The following ACCSL variants were observed in gnomAD, a reference collection of about 807,000 sequenced individuals.
The protein encoded by ACCSL is 1-aminocyclopropane-1-carboxylate synthase homolog (inactive) like.
A neutral mutation model predicts 61.7 loss-of-function variants in ACCSL; 55 were observed. The ratio of observed to expected loss-of-function variants is 0.89; its 90% CI spans 0.72 to 1.12. ACCSL has a LOEUF of 1.12. Ranked by LOEUF, ACCSL falls within the 50% of genes most tolerant of loss-of-function variation. The pLI is 0.00. For missense variants in ACCSL, 632 were observed against 698.0 expected, an observed-to-expected ratio of 0.91 and a Z score of 1.07; for synonymous variants, 258 against 264.3, an observed-to-expected ratio of 0.98 and a Z score of 0.23.
chr11:43,925,248 GT>G, the ACCSL span: 7 of 393,694 alleles, frequency 1.8e-5, no homozygotes, highest in South Asian at 1.3e-4. Context: ...GCCCTGTGGG[GT>G]GTCGGTAGGG....
rs773702581 is a variant in ACCSL, at chr11:44,055,281, A to G, written c.1129A>G (p.Ser377Gly). The change falls in exon 9 of 14, where the codon AGC becomes GGC. Residue 377 changes from serine to glycine, a missense_variant. Ser to Gly is a moderately conservative substitution (Grantham distance 56, BLOSUM62 0). Transcript: ENST00000378832. ...DESITFHSIL[S>G]MKSLPDSNRT... Reference sequence around the variant, plus strand: ...ATCCATCACATTCCACAGCATTCTGAGCATGAAAAGGTGAGCTGGTCTCAG... The same window carrying G: ...ATCCATCACATTCCACAGCATTCTGGGCATGAAAAGGTGAGCTGGTCTCAG... 1.2e-6 allele frequency: 2 copies of G among 1,612,564 alleles called. No homozygotes were observed. The highest frequency in any genetic ancestry group is 8.5e-7 in the Non-Finnish European group (1 of 1,178,826).
At chr11:44,008,739 AGT>A in the ACCSL span, among the ~76,000 whole-genome samples, 3 of 152,354 alleles carry the variant, frequency 2.0e-5, no homozygotes, top group African/African-American at 7.2e-5. Flanking sequence ...TGAGGCACCT[AGT>A]GACATGTGCT....
At chr11:44,013,990 A>G in the ACCSL span, among the ~76,000 whole-genome samples, 1 of 152,296 alleles carries the variant, frequency 6.6e-6, no homozygotes, top group African/African-American at 2.4e-5. Context: ...ATTGCCACCA[A>G]TCGTGATGCT....
At chr11:43,967,407 G>A in the ACCSL span, among the ~76,000 whole-genome samples, 5 of 151,514 alleles carry the variant, frequency 3.3e-5, no homozygotes, top group South Asian at 2.1e-4. Flanking sequence ...TCAAACTCCC[G>A]ACCTCAGGTG....
the ACCSL span, among the ~76,000 whole-genome samples, chr11:43,960,079 C>T: frequency 1.4e-4 from 21 of 152,238 alleles, no homozygotes; most frequent in African/African-American, 1.9e-4. Context: ...AGGGGGCATT[C>T]GGACAGTGCT....
the ACCSL span, among the ~76,000 whole-genome samples, chr11:44,025,254 C>A: frequency 6.6e-6 from 1 of 151,970 alleles, no homozygotes; most frequent in Non-Finnish European, 1.5e-5. Flanking sequence ...TCTATCATTG[C>A]TGCCCTATTT....
chr11:44,043,598 G>T (rs1952585470), upstream of ACCSL, among the ~76,000 whole-genome samples: 1 of 152,124 alleles, frequency 6.6e-6, no homozygotes, highest in African/African-American at 2.4e-5. Context: ...ATGCTTTGAT[G>T]TCTAACTATC....
intron 7 of ACCSL, 88 bp downstream of exon 7, chr11:44,053,156 A>T (rs1952650412): frequency 8.2e-7 from 1 of 1,220,862 alleles, no homozygotes; most frequent in African/African-American, 1.5e-5. Context: ...TTATTCACCA[A>T]GACCTGGTGG....
chr11:44,000,674 G>C, the ACCSL span, among the ~76,000 whole-genome samples: 1 of 148,000 alleles, frequency 6.8e-6, no homozygotes, highest in East Asian at 2.0e-4. Context: ...AGTGTGCTGA[G>C]ATCATACCTC....
chr11:43,956,456 GT>G, the ACCSL span, among the ~76,000 whole-genome samples: 4 of 151,628 alleles, frequency 2.6e-5, no homozygotes. Context: ...GTCTCGCTCT[GT>G]TGCCCAGGCT....
At chr11:44,027,023 C>T in the ACCSL span, among the ~76,000 whole-genome samples, 1 of 152,212 alleles carries the variant, frequency 6.6e-6, no homozygotes, top group Non-Finnish European at 1.5e-5. Context: ...CCACCGCACC[C>T]AGCCGACTAA....
intron 4 of ACCSL, 73 bp from the exon 5 acceptor site, chr11:44,051,580 A>G: frequency 2.5e-6 from 4 of 1,582,412 alleles, no homozygotes; most frequent in Non-Finnish European, 3.5e-6. Context: ...GCCCAGGGGG[A>G]TGGAGAAAGC....
chr11:43,951,160 C>A, the ACCSL span, among the ~76,000 whole-genome samples: 2 of 152,182 alleles, frequency 1.3e-5, no homozygotes, highest in Non-Finnish European at 2.9e-5. Context: ...CTCTTTGTGG[C>A]TTTTAGCAAA....
At chr11:43,974,235 A>G in the ACCSL span, among the ~76,000 whole-genome samples, 10 of 152,230 alleles carry the variant, frequency 6.6e-5, no homozygotes, top group Non-Finnish European at 1.2e-4. Context: ...TGACTGCTGT[A>G]ATTCACAGTG....
chr11:43,989,975 C>G, the ACCSL span, among the ~76,000 whole-genome samples: 1 of 152,242 alleles, frequency 6.6e-6, no homozygotes, highest in African/African-American at 2.4e-5. Flanking sequence ...AAGTGGTGGC[C>G]CCACATGCTG....
At chr11:44,051,269 A>T in intron 3 of ACCSL, 66 bp from the exon 4 acceptor site, 2 of 1,531,368 alleles carry the variant, frequency 1.3e-6, no homozygotes, top group Non-Finnish European at 1.8e-6. Flanking sequence ...CTGGACAATG[A>T]CCATCTAGAC....
intron 2 of ACCSL, 68 bp downstream of exon 2, chr11:44,050,189 G>A (rs1309239513): frequency 7.5e-7 from 1 of 1,337,718 alleles, no homozygotes; most frequent in African/African-American, 1.4e-5. Context: ...GTGCTCCTGA[G>A]CTATGGTAGA....
At chr11:44,057,032 C>T (rs1204261594) in intron 11 of ACCSL, among the ~76,000 whole-genome samples, 1 of 152,192 alleles carries the variant, frequency 6.6e-6, no homozygotes, top group Admixed American at 6.5e-5. Context: ...CCAAAAACAA[C>T]ACAAACACTC....
the ACCSL span, chr11:43,942,833 G>A: frequency 2.7e-6 from 3 of 1,115,782 alleles, no homozygotes; most frequent in Non-Finnish European, 3.3e-6. Context: ...CTCCCGGGGG[G>A]CCCCGGCGCA....
Sources: allele counts gnomAD v4.1 joint callset (sites outside exome capture counted in the v4.1 genomes callset), GRCh38; gene constraint gnomAD v4.1.1; transcripts MANE v1.5; gene names NCBI Gene and HGNC (gene_info 2026-07-23, HGNC 2026-07-21).